Variants in DGKG observed in about 807,000 individuals in gnomAD.
DGKG encodes diacylglycerol kinase gamma.
In DGKG, 78 loss-of-function variants were observed where a neutral mutation model predicts 105.3. That is an observed-to-expected ratio of 0.74 (90% CI 0.62 to 0.89). The LOEUF (loss-of-function observed/expected upper bound fraction) is 0.89, where lower values mean the gene tolerates loss of function less well. Ranked by LOEUF, DGKG falls within the 40% of genes least tolerant of loss-of-function variation. The probability of loss-of-function intolerance (pLI) is 0.00; values close to 1 mark genes in which losing one functional copy is unlikely to be tolerated. For synonymous variants in DGKG, 346 were observed against 367.1 expected (o/e 0.94, Z 0.66); for missense variants, 958 against 1,020.1 (o/e 0.94, Z 0.83).
chr3:186,324,789 G>A (rs909955460), intron 1 of DGKG, among the ~76,000 whole-genome samples: 1 of 152,202 alleles, frequency 6.6e-6, no homozygotes, highest in Non-Finnish European at 1.5e-5. Flanking sequence ...GAGATTTCTC[G>A]AAGAACTTAA....
At chr3:186,297,090 A>T (rs1723618375) in intron 5 of DGKG, among the ~76,000 whole-genome samples, 1 of 141,916 alleles carries the variant, frequency 7.0e-6, no homozygotes. Context: ...ACACACACAC[A>T]CACACACACA....
In DGKG at chr3:186,267,772, GT is replaced by G; in HGVS notation, c.1121del (p.His374ProfsTer66). ...RHCVWCRMTF[H>X]RKCELSTLCD... Reference sequence around the variant, plus strand: ...ACAACGTTGATAATTCACATTTGCGGTGAAACTGGGGGGAGAAATGAAAAAG... The same window carrying G: ...ACAACGTTGATAATTCACATTTGCGGGAAACTGGGGGGAGAAATGAAAAAG... On this transcript the variant is annotated frameshift_variant, in exon 13 of 25. Transcript: ENST00000265022. LOFTEE classifies it high-confidence loss of function. 1 of 1,613,870 alleles carries G rather than the reference GT, an allele frequency of 6.2e-7. No individual in the cohort carries two copies. Among genetic ancestry groups the G allele is most frequent in the Non-Finnish European group, 8.5e-7 (1 of 1,179,780 alleles).
chr3:186,343,089 G>T (rs761464867), intron 1 of DGKG, among the ~76,000 whole-genome samples: 2 of 152,180 alleles, frequency 1.3e-5, no homozygotes, highest in African/African-American at 2.4e-5. Flanking sequence ...GCCAAAAAAA[G>T]TTGGAGGAAT....
chr3:186,225,076 T>C (rs2300708), intron 20 of DGKG, among the ~76,000 whole-genome samples: 36,103 of 150,224 alleles, frequency 0.24, 4,623 homozygotes, highest in Non-Finnish European at 0.29. Flanking sequence ...ATTTCTTTCT[T>C]TTTTTTTTTA....
chr3:186,332,892 G>A (rs1390836332), intron 1 of DGKG, among the ~76,000 whole-genome samples: 3 of 151,820 alleles, frequency 2.0e-5, no homozygotes, highest in Non-Finnish European at 2.9e-5. Context: ...GGGAACTGGT[G>A]GCTTTATAAG....
intron 2 of DGKG, among the ~76,000 whole-genome samples, chr3:186,307,276 A>G (rs1445708169): frequency 2.0e-5 from 3 of 152,236 alleles, no homozygotes; most frequent in Admixed American, 2.0e-4. Context: ...AGCTTAGAAG[A>G]TAAGCCCTTA....
At chr3:186,186,612 T>C (rs993818733) in intron 22 of DGKG, among the ~76,000 whole-genome samples, 4 of 152,180 alleles carry the variant, frequency 2.6e-5, no homozygotes, top group African/African-American at 7.2e-5. Flanking sequence ...GTTTTTACAG[T>C]AAAGAAAACT....
chr3:186,317,180 G>A (rs528184735), intron 2 of DGKG, among the ~76,000 whole-genome samples: 7 of 152,248 alleles, frequency 4.6e-5, no homozygotes, highest in South Asian at 4.1e-4. Flanking sequence ...TTGCCTTTGC[G>A]CCCTCCATGC....
intron 19 of DGKG, among the ~76,000 whole-genome samples, chr3:186,244,713 T>C (rs1560112169): frequency 6.6e-6 from 1 of 152,128 alleles, no homozygotes; most frequent in African/African-American, 2.4e-5. Context: ...GGCCAATTTA[T>C]TTTTTAGCTT....
chr3:186,226,403 TC>T lies in DGKG; in HGVS notation c.1827-14519del, dbSNP rs1719863239. ...GAACGTCAGCTCAAATCAGAGGGCA[TC>T]CCGTGGTGTTATCTCCACCCCAACC... is the stretch of plus-strand genomic sequence containing the variant. On this transcript the variant is annotated intron_variant, in intron 20 of 24. Coordinates refer to ENST00000265022, the MANE Select transcript of DGKG (RefSeq NM_001346.3). The surrounding 1 kb of genome is among the most constrained non-coding windows in gnomAD (Gnocchi z 4.2). Among the ~76,000 whole-genome samples the T allele has an allele frequency of 6.6e-6, 1 of 152,140 alleles. No individual in the cohort carries two copies. Among genetic ancestry groups the T allele is most frequent in the South Asian group, 2.1e-4 (1 of 4,822 alleles).
In DGKG at chr3:186,275,615, T is replaced by C. The variant is rs557554977; in HGVS notation, c.842A>G (p.Lys281Arg). 1.2e-5 allele frequency: 20 copies of C among 1,614,202 alleles called. No homozygotes were observed. The African/African-American group carries it at 2.5e-4, about 20-fold the overall frequency. ...RHAWTMKHFKKPTYCNFCHIM... is the reference protein window; with the variant it reads ...RHAWTMKHFKRPTYCNFCHIM... ...ATGGCAGAAGTTGCAGTAGGTTGGTTTCTTGAAGTGCTTCATGGTCCAGGC... is the reference window on the plus strand; with the variant it reads ...ATGGCAGAAGTTGCAGTAGGTTGGTCTCTTGAAGTGCTTCATGGTCCAGGC... The change falls in exon 10 of 25, where the codon AAA becomes AGA. Residue 281 changes from lysine (K) to arginine (R), a missense_variant. This residue lies in a region of DGKG where 643 missense variants were observed against 619.5 expected (regional missense o/e 1.04). Transcript: ENST00000265022.
At chr3:186,290,222 C>G (rs1238184820) in intron 5 of DGKG, among the ~76,000 whole-genome samples, 1 of 152,074 alleles carries the variant, frequency 6.6e-6, no homozygotes, top group Non-Finnish European at 1.5e-5. Flanking sequence ...AGCAGAAAGC[C>G]TCAGGGTTTG....
At chr3:186,257,989 G>T in intron 16 of DGKG, 50 bp from the exon 17 acceptor site, 1 of 1,357,586 alleles carries the variant, frequency 7.4e-7, no homozygotes, top group South Asian at 1.2e-5. Context: ...GGTTGCAGCT[G>T]ACATTGATAC....
At chr3:186,319,482 C>A (rs1377114560) in intron 2 of DGKG, among the ~76,000 whole-genome samples, 1 of 152,158 alleles carries the variant, frequency 6.6e-6, no homozygotes. Flanking sequence ...TAGAGCAGGT[C>A]AACAGCTGCA....
chr3:186,296,041 C>T (rs1279642319), intron 5 of DGKG, among the ~76,000 whole-genome samples: 2 of 150,874 alleles, frequency 1.3e-5, no homozygotes, highest in African/African-American at 2.5e-5. Flanking sequence ...CCTGGGAGCT[C>T]GAGGCTGCAG....
chr3:186,347,352 G>A (rs1726391202), intron 1 of DGKG, among the ~76,000 whole-genome samples: 1 of 149,922 alleles, frequency 6.7e-6, no homozygotes, highest in Non-Finnish European at 1.5e-5. Flanking sequence ...GGAGGCTGAG[G>A]CAGGAGAATT....
intron 1 of DGKG, among the ~76,000 whole-genome samples, chr3:186,346,048 G>A (rs1311669326): frequency 6.6e-6 from 1 of 152,210 alleles, no homozygotes; most frequent in Non-Finnish European, 1.5e-5. Flanking sequence ...ATTACAGGCT[G>A]AGCCACTGCC....
intron 22 of DGKG, among the ~76,000 whole-genome samples, chr3:186,172,653 T>A (rs1716880742): frequency 6.6e-6 from 1 of 152,370 alleles, no homozygotes; most frequent in South Asian, 2.1e-4. Context: ...GGGGTATGCA[T>A]CTGATTCATT....
intron 20 of DGKG, among the ~76,000 whole-genome samples, chr3:186,232,448 G>A (rs1408896555): frequency 6.6e-6 from 1 of 152,122 alleles, no homozygotes; most frequent in African/African-American, 2.4e-5. Flanking sequence ...GAGCCTGAAT[G>A]ACTTATATAA....
Sources: gnomAD v4.1 joint callset for allele counts (sites outside exome capture counted in the v4.1 genomes callset) on GRCh38, gnomAD v4.1.1 for gene constraint, gnomAD v4.1.1 regional missense constraint, Gnocchi (gnomAD v3.1) non-coding constraint, MANE v1.5 for transcripts, NCBI Gene and HGNC (gene_info 2026-07-23, HGNC 2026-07-21) for gene names.